Variants in ADGRL3 observed in about 807,000 individuals in gnomAD.
ADGRL3 encodes the protein adhesion G protein-coupled receptor L3.
In ADGRL3, 62 loss-of-function variants were observed where a neutral mutation model predicts 153.5. That is an observed-to-expected ratio of 0.40 (90% CI 0.33 to 0.50). The LOEUF (loss-of-function observed/expected upper bound fraction) is 0.50, where lower values mean the gene tolerates loss of function less well. Among genes scored for constraint, ADGRL3 ranks in the 20% least tolerant of loss-of-function variants. The pLI, the probability that ADGRL3 is intolerant of heterozygous loss-of-function variation, is 0.47. For synonymous variants in ADGRL3, 710 were observed against 672.5 expected, an observed-to-expected ratio of 1.06 and a Z score of -0.86; for missense variants, 1,641 against 1,859.4, an observed-to-expected ratio of 0.88 and a Z score of 2.16.
At chr4:61,292,603 A>G (rs1001483754) in intron 1 of ADGRL3, among the ~76,000 whole-genome samples, 4 of 152,196 alleles carry the variant, frequency 2.6e-5, no homozygotes, top group Non-Finnish European at 5.9e-5. Flanking sequence ...TGTGCTATGC[A>G]TCCGATGCAT....
At position 61,684,413 on chromosome 4, in the gene ADGRL3, A is replaced by G. The variant is rs1580268820; in HGVS notation, c.583+7478A>G. Among the ~76,000 whole-genome samples, 3 of 152,298 alleles carry G rather than the reference A, an allele frequency of 2.0e-5. No homozygotes were observed. In the South Asian group the frequency reaches 6.2e-4, roughly 32 times the overall value. ...TCAAGAACTCCTAGACAGTCTCATC[A>G]GGACTCTGTGTTCCTGCTAATCTAA... On this transcript the variant is annotated intron_variant, in intron 6 of 26. Coordinates refer to ENST00000683033, the MANE Select transcript of ADGRL3 (RefSeq NM_001387552.1).
intron 6 of ADGRL3, among the ~76,000 whole-genome samples, chr4:61,692,725 A>G (rs1322572905): frequency 1.3e-5 from 2 of 152,148 alleles, no homozygotes; most frequent in African/African-American, 4.8e-5. Context: ...GGCATAAGCC[A>G]CCACGCCTGG....
chr4:61,540,376 C>G (rs2098682623), intron 4 of ADGRL3, among the ~76,000 whole-genome samples: 1 of 151,980 alleles, frequency 6.6e-6, no homozygotes, highest in Non-Finnish European at 1.5e-5. Flanking sequence ...AGGAGAAACT[C>G]CGTCTCTACT....
At chr4:61,435,264 C>G (rs2097430030) in intron 2 of ADGRL3, among the ~76,000 whole-genome samples, 2 of 151,990 alleles carry the variant, frequency 1.3e-5, no homozygotes, top group Admixed American at 1.3e-4. Context: ...GAATAATTGA[C>G]ATTGCCATTC....
chr4:61,743,399 G>A lies in ADGRL3; in HGVS notation c.1399+9845G>A, dbSNP rs893708528. On this transcript the variant is annotated intron_variant, in intron 8 of 26. Coordinates refer to ENST00000683033, the MANE Select transcript of ADGRL3 (RefSeq NM_001387552.1). ...ACATACAGGAGTAAGTGAAGAGTTC[G>A]GTATTTGTTGACATTAAGATTTATC... is the stretch of plus-strand genomic sequence containing the variant. 1.3e-4 allele frequency among the ~76,000 whole-genome samples: 19 copies of A among 151,368 alleles called. 1 individual carries two copies. The highest frequency in any genetic ancestry group is 4.6e-4 in the African/African-American group (19 of 41,160).
chr4:61,812,495 A>G (rs1325446944), intron 8 of ADGRL3, among the ~76,000 whole-genome samples: 2 of 152,224 alleles, frequency 1.3e-5, no homozygotes, highest in African/African-American at 2.4e-5. Context: ...CTTGTTTAGG[A>G]AAAGAGATTA....
intron 5 of ADGRL3, among the ~76,000 whole-genome samples, chr4:61,628,469 T>C (rs1436165456): frequency 6.7e-6 from 1 of 149,460 alleles, no homozygotes; most frequent in Non-Finnish European, 1.5e-5. Context: ...GAATAATGAG[T>C]ATTTATAATG....
intron 3 of ADGRL3, among the ~76,000 whole-genome samples, chr4:61,516,445 T>C (rs940024683): frequency 6.6e-6 from 1 of 152,154 alleles, no homozygotes; most frequent in Admixed American, 6.5e-5. Flanking sequence ...TCATTATCAT[T>C]CCTATTTATT....
intron 1 of ADGRL3, among the ~76,000 whole-genome samples, chr4:61,241,802 AT>A (rs1560378720): frequency 6.6e-6 from 1 of 152,086 alleles, no homozygotes; most frequent in Non-Finnish European, 1.5e-5. Context: ...TTTGTTTAAC[AT>A]TGCTATATTT....
chr4:62,065,112 G>T (rs1742312683), intron 25 of ADGRL3, among the ~76,000 whole-genome samples: 1 of 151,948 alleles, frequency 6.6e-6, no homozygotes, highest in Non-Finnish European at 1.5e-5. Flanking sequence ...CACTCCATTT[G>T]TTATGTATAT....
At chr4:61,474,460 T>G (rs571283393) in intron 2 of ADGRL3, among the ~76,000 whole-genome samples, 3 of 152,166 alleles carry the variant, frequency 2.0e-5, no homozygotes, top group Non-Finnish European at 4.4e-5. Flanking sequence ...TGAGGTAATT[T>G]ATTTATTCAC....
intron 8 of ADGRL3, among the ~76,000 whole-genome samples, chr4:61,767,818 C>G (rs977996791): frequency 2.0e-5 from 3 of 152,072 alleles, no homozygotes; most frequent in African/African-American, 7.2e-5. Flanking sequence ...TTTGGAAGTT[C>G]TTGTGTGCTG....
Position 61,366,838 on chromosome 4 carries a change from T to C in ADGRL3, c.-239-16286T>C, listed in dbSNP as rs563285949. On this transcript the variant is annotated intron_variant, in intron 1 of 26. Transcript: ENST00000683033. ...CATATACCTAATGTTGATAATTGAA[T>C]AGTCAAACCAAGACTGTTGTGTACT... is the stretch of plus-strand genomic sequence containing the variant. 2.0e-5 allele frequency among the ~76,000 whole-genome samples: 3 copies of C among 152,162 alleles called. No homozygotes were observed. In the East Asian group the frequency reaches 5.8e-4, roughly 29 times the overall value.
At chr4:61,887,226 C>T (rs2098544523) in intron 9 of ADGRL3, among the ~76,000 whole-genome samples, 3 of 151,862 alleles carry the variant, frequency 2.0e-5, no homozygotes, top group Non-Finnish European at 2.9e-5. Flanking sequence ...AGAAGATGCC[C>T]ATCCCAAATA....
intron 17 of ADGRL3, among the ~76,000 whole-genome samples, chr4:61,975,755 A>G (rs2099045642): frequency 1.3e-5 from 2 of 152,122 alleles, no homozygotes; most frequent in South Asian, 2.1e-4. Flanking sequence ...GGTAAGACCT[A>G]TAAGATTTCC....
chr4:62,022,215 A>G (rs958541822), intron 21 of ADGRL3, among the ~76,000 whole-genome samples: 2 of 152,180 alleles, frequency 1.3e-5, no homozygotes, highest in Non-Finnish European at 2.9e-5. Context: ...AATGTCAACA[A>G]TCTCTAAAGC....
intron 8 of ADGRL3, among the ~76,000 whole-genome samples, chr4:61,764,176 AGGAGAGTAT>A (rs2096945700): frequency 6.6e-6 from 1 of 152,218 alleles, no homozygotes; most frequent in Non-Finnish European, 1.5e-5. Flanking sequence ...ATTCAGAAGT[AGGAGAGTAT>A]CATGTATACA....
At chr4:62,066,957 A>G (rs1743288038) in intron 25 of ADGRL3, among the ~76,000 whole-genome samples, 1 of 152,030 alleles carries the variant, frequency 6.6e-6, no homozygotes, top group African/African-American at 2.4e-5. Flanking sequence ...AAAAGTGGGA[A>G]TTGAATTTCA....
At chr4:61,421,196 T>C (rs1411764349) in intron 2 of ADGRL3, among the ~76,000 whole-genome samples, 1 of 152,110 alleles carries the variant, frequency 6.6e-6, no homozygotes, top group African/African-American at 2.4e-5. Context: ...TAGCTGGGCT[T>C]GGTGGCGGAC....
Sources: allele counts gnomAD v4.1 joint callset (sites outside exome capture counted in the v4.1 genomes callset), GRCh38; gene constraint gnomAD v4.1.1; transcripts MANE v1.5; gene names NCBI Gene and HGNC (gene_info 2026-07-23, HGNC 2026-07-21).